Variants in PAFAH1B2 observed in about 807,000 individuals in gnomAD.
PAFAH1B2 encodes the protein platelet-activating factor acetylhydrolase IB subunit alpha2.
A neutral mutation model predicts 28.0 loss-of-function variants in PAFAH1B2; 8 were observed. The ratio of observed to expected loss-of-function variants is 0.29; its 90% CI spans 0.17 to 0.52. The LOEUF (loss-of-function observed/expected upper bound fraction) is 0.52. Ranked by LOEUF, PAFAH1B2 falls within the 20% of genes least tolerant of loss-of-function variation. The pLI, the probability that PAFAH1B2 is intolerant of heterozygous loss-of-function variation, is 0.97. For missense variants in PAFAH1B2, 190 were observed against 282.6 expected, an observed-to-expected ratio of 0.67 and a Z score of 2.35; for synonymous variants, 104 against 103.2, an observed-to-expected ratio of 1.01 and a Z score of -0.05.
At chr11:117,173,584 T>C (rs1400816229), downstream of PAFAH1B2, among the ~76,000 whole-genome samples, 6 of 152,148 alleles carry the variant, frequency 3.9e-5, no homozygotes, top group African/African-American at 1.4e-4. Flanking sequence ...CTCGCCTCCT[T>C]ATGTGCCAGG....
chr11:117,160,267 G>C (rs1956344688), intron 3 of PAFAH1B2, among the ~76,000 whole-genome samples: 1 of 152,074 alleles, frequency 6.6e-6, no homozygotes, highest in South Asian at 2.1e-4. Context: ...CAAGAGGCTT[G>C]ATGTTATATT....
chr11:117,145,573 T>G (rs933701446), intron 1 of PAFAH1B2, among the ~76,000 whole-genome samples: 1 of 152,136 alleles, frequency 6.6e-6, no homozygotes, highest in Non-Finnish European at 1.5e-5. Flanking sequence ...TGCCTCCTTG[T>G]GGGGGAGAAG....
chr11:117,159,215 T>C (rs1487089639), intron 2 of PAFAH1B2, among the ~76,000 whole-genome samples: 2 of 152,236 alleles, frequency 1.3e-5, no homozygotes, highest in African/African-American at 4.8e-5. Context: ...ACATGTATTT[T>C]TCTATTCTGG....
At chr11:117,157,428 T>C (rs184907895) in intron 2 of PAFAH1B2, among the ~76,000 whole-genome samples, 227 of 152,258 alleles carry the variant, frequency 1.5e-3, no homozygotes, top group African/African-American at 4.5e-3. Flanking sequence ...AGGCGTGAGC[T>C]GCCACACCTG....
At chr11:117,158,022 C>T (rs1488687010) in intron 2 of PAFAH1B2, among the ~76,000 whole-genome samples, 1 of 151,994 alleles carries the variant, frequency 6.6e-6, no homozygotes, top group African/African-American at 2.4e-5. Context: ...CCTGTAATCC[C>T]AGCTACTCGG....
Position 117,167,906 on chromosome 11 carries a change from ATTG to A in PAFAH1B2, c.*213_*215del. On this transcript the variant is annotated 3_prime_UTR_variant, in exon 6 of 6. Coordinates refer to ENST00000527958, the MANE Select transcript of PAFAH1B2 (RefSeq NM_002572.4). Reference sequence around the variant, plus strand: ...AGAGGAGAAAAATTAGCCAAGGAAGATTGTTGTTTAAATTCATTTGAAACCAGA... The same window carrying A: ...AGAGGAGAAAAATTAGCCAAGGAAGATTGTTTAAATTCATTTGAAACCAGA... 2 of 1,189,478 alleles carry A rather than the reference ATTG, an allele frequency of 1.7e-6. No individual in the cohort carries two copies. The highest frequency in any genetic ancestry group is 3.5e-5 in the East Asian group (1 of 28,370). The allele number at this position is 1,189,478 out of a possible 1,614,324, so 73.7% of individuals were successfully genotyped here. A position where few individuals can be genotyped will look rare whatever the true frequency, so the allele number is the denominator to read the frequency against.
At chr11:117,145,989 C>T (rs115369337) in intron 1 of PAFAH1B2, among the ~76,000 whole-genome samples, 2 of 152,134 alleles carry the variant, frequency 1.3e-5, no homozygotes, top group Admixed American at 6.5e-5. Flanking sequence ...GTCGGTTACT[C>T]CTCGTCTTCC....
downstream of PAFAH1B2, chr11:117,171,664 A>G (rs1956653121): frequency 1.3e-6 from 2 of 1,515,970 alleles, no homozygotes; most frequent in East Asian, 4.9e-5. Context: ...AGAGATAGTG[A>G]GACTAGAACA....
At chr11:117,148,156 A>G (rs1452474190) in intron 1 of PAFAH1B2, among the ~76,000 whole-genome samples, 1 of 148,362 alleles carries the variant, frequency 6.7e-6, no homozygotes, top group African/African-American at 2.5e-5. Context: ...GGTTCAAGAG[A>G]TTCTCATGCC....
chr11:117,150,394 C>G (rs537444731), intron 1 of PAFAH1B2, among the ~76,000 whole-genome samples: 1 of 152,012 alleles, frequency 6.6e-6, no homozygotes, highest in Admixed American at 6.5e-5. Flanking sequence ...AAGCGATCCA[C>G]CTGCTTTGGC....
chr11:117,171,529 CTT>C, downstream of PAFAH1B2: 1 of 573,156 alleles, frequency 1.7e-6, no homozygotes, highest in South Asian at 2.1e-5. Flanking sequence ...GAGCGAGACT[CTT>C]GTCTCGGAAA....
At chr11:117,166,459 A>G (rs1330911509) in intron 5 of PAFAH1B2, among the ~76,000 whole-genome samples, 1 of 152,254 alleles carries the variant, frequency 6.6e-6, no homozygotes, top group East Asian at 1.9e-4. Context: ...TAACCTAAAT[A>G]GTAGTATCAT....
Position 117,168,450 on chromosome 11 carries a change from T to TTTTTTTTTTTTG in PAFAH1B2, c.*762_*763insGTTTTTTTTTTT, listed in dbSNP as rs1956567303. ...CTTCATTCCCCCCGCCACCCCGTTT[T>TTTTTTTTTTTTG]TTTTTTTTTTTTTTTTTTTTTGGTT... On this transcript the variant is annotated 3_prime_UTR_variant, in exon 6 of 6. Transcript: ENST00000527958. 8 of 408,794 alleles carry TTTTTTTTTTTTG rather than the reference T, an allele frequency of 2.0e-5. No homozygotes were observed. The African/African-American group carries it at 4.3e-4, about 22-fold the overall frequency. 25.3% of individuals were successfully genotyped at this position (408,794 alleles called of 1,614,324 possible). A position where few individuals can be genotyped will look rare whatever the true frequency, so the allele number is the denominator to read the frequency against.
chr11:117,146,114 C>CTTTTTTTT (rs376242740), intron 1 of PAFAH1B2, among the ~76,000 whole-genome samples: 4 of 137,978 alleles, frequency 2.9e-5, no homozygotes, highest in African/African-American at 5.6e-5. Context: ...GTCTTTCTTT[C>CTTTTTTTT]TTTTTTTTTT....
downstream of PAFAH1B2, among the ~76,000 whole-genome samples, chr11:117,177,584 G>C (rs2030053878): frequency 6.6e-6 from 1 of 152,240 alleles, no homozygotes; most frequent in South Asian, 2.1e-4. Flanking sequence ...GCCCAGGCTG[G>C]AGTGCAGGAG....
downstream of PAFAH1B2, among the ~76,000 whole-genome samples, chr11:117,177,871 C>G (rs927445702): frequency 1.4e-4 from 21 of 152,194 alleles, no homozygotes; most frequent in African/African-American, 4.8e-4. Flanking sequence ...ATCCTGAATT[C>G]TCTGCTTACG....
In PAFAH1B2 at chr11:117,168,610, T is replaced by C; in HGVS notation, c.*911T>C. ...TTGTGTGGTGTTCTGTGCTATAGATTCTGTGTATTGCTGTTCATATTCGGA... is the reference window on the plus strand; with the variant it reads ...TTGTGTGGTGTTCTGTGCTATAGATCCTGTGTATTGCTGTTCATATTCGGA... On this transcript the variant is annotated 3_prime_UTR_variant, in exon 6 of 6. Coordinates refer to ENST00000527958, the MANE Select transcript of PAFAH1B2 (RefSeq NM_002572.4). 2 of 1,063,922 alleles carry C rather than the reference T, an allele frequency of 1.9e-6. No homozygotes were observed. Among genetic ancestry groups the C allele is most frequent in the Non-Finnish European group, 1.1e-6 (1 of 878,588 alleles). The allele number at this position is 1,063,922 out of a possible 1,614,324, so 65.9% of individuals were successfully genotyped here. A position where few individuals can be genotyped will look rare whatever the true frequency, so the allele number is the denominator to read the frequency against.
chr11:117,148,140 C>T lies in PAFAH1B2; in HGVS notation c.-8+3722C>T, dbSNP rs534793159. 2.6e-5 allele frequency among the ~76,000 whole-genome samples: 4 copies of T among 151,394 alleles called. No individual in the cohort carries two copies. In the South Asian group the frequency reaches 8.4e-4, roughly 32 times the overall value. On this transcript the variant is annotated intron_variant, in intron 1 of 5. Transcript: ENST00000527958. Reference sequence around the variant, plus strand: ...GATCTCTGCTCACTGCAACCTCCACCTCCTGGGTTCAAGAGATTCTCATGC... The same window carrying T: ...GATCTCTGCTCACTGCAACCTCCACTTCCTGGGTTCAAGAGATTCTCATGC...
chr11:117,147,726 C>T (rs1479497413), intron 1 of PAFAH1B2, among the ~76,000 whole-genome samples: 1 of 151,352 alleles, frequency 6.6e-6, no homozygotes, highest in Non-Finnish European at 1.5e-5. Context: ...AGTCAGAAGA[C>T]ACAAAGAAAC....
Sources: gnomAD v4.1 joint callset for allele counts (sites outside exome capture counted in the v4.1 genomes callset) on GRCh38, gnomAD v4.1.1 for gene constraint, MANE v1.5 for transcripts, NCBI Gene and HGNC (gene_info 2026-07-23, HGNC 2026-07-21) for gene names.